PDGFD: variants seen among roughly 807,000 people sequenced by gnomAD.
PDGFD encodes the protein platelet derived growth factor D.
A neutral mutation model predicts 44.7 loss-of-function variants in PDGFD; 30 were observed. The ratio of observed to expected loss-of-function variants is 0.67; its 90% CI spans 0.50 to 0.91. The LOEUF is 0.91. PDGFD is among the 40% of genes least tolerant of loss of function. The pLI, the probability that PDGFD is intolerant of heterozygous loss-of-function variation, is 0.00. For synonymous variants in PDGFD, 173 were observed against 168.4 expected, an observed-to-expected ratio of 1.03 and a Z score of -0.21; for missense variants, 445 against 457.8, an observed-to-expected ratio of 0.97 and a Z score of 0.25.
intron 6 of PDGFD, among the ~76,000 whole-genome samples, chr11:103,923,074 G>A (rs1300066478): frequency 6.6e-6 from 1 of 152,064 alleles, no homozygotes; most frequent in Non-Finnish European, 1.5e-5. Context: ...TCCTTACCAA[G>A]GCCTCTGTGT....
chr11:104,093,396 G>T (rs55758065), intron 1 of PDGFD, among the ~76,000 whole-genome samples: 1 of 151,970 alleles, frequency 6.6e-6, no homozygotes, highest in East Asian at 1.9e-4. Flanking sequence ...CCCCAGCTAC[G>T]TGTTTTCAGA....
intron 1 of PDGFD, among the ~76,000 whole-genome samples, chr11:104,079,077 A>T (rs1240407813): frequency 6.6e-6 from 1 of 152,194 alleles, no homozygotes; most frequent in East Asian, 1.9e-4. Flanking sequence ...ATTTTTGTCA[A>T]TTCTGACAAT....
intron 1 of PDGFD, among the ~76,000 whole-genome samples, chr11:104,132,637 A>G (rs1293403094): frequency 6.6e-6 from 1 of 152,150 alleles, no homozygotes; most frequent in African/African-American, 2.4e-5. Context: ...GCTAGATACT[A>G]CAGATAATAT....
intron 5 of PDGFD, among the ~76,000 whole-genome samples, chr11:103,933,136 T>G (rs976223924): frequency 6.6e-6 from 1 of 152,164 alleles, no homozygotes; most frequent in Non-Finnish European, 1.5e-5. Flanking sequence ...TTATGAAAAG[T>G]GCTAAACATT....
intron 1 of PDGFD, among the ~76,000 whole-genome samples, chr11:104,040,095 C>T (rs1268181012): frequency 5.3e-5 from 8 of 152,080 alleles, no homozygotes; most frequent in African/African-American, 1.9e-4. Flanking sequence ...CTTCATTCTT[C>T]CTTCTGCCAA....
At chr11:104,040,951 C>G (rs894306428) in intron 1 of PDGFD, among the ~76,000 whole-genome samples, 2 of 151,864 alleles carry the variant, frequency 1.3e-5, no homozygotes, top group South Asian at 4.2e-4. Flanking sequence ...AAAACATGGA[C>G]TGACCAGATT....
chr11:104,102,008 T>C (rs950668425), intron 1 of PDGFD, among the ~76,000 whole-genome samples: 2 of 152,078 alleles, frequency 1.3e-5, no homozygotes, highest in Non-Finnish European at 2.9e-5. Flanking sequence ...ATTCAGGACA[T>C]AGGCATGGGC....
chr11:104,140,281 T>G lies in PDGFD; in HGVS notation c.124+23523A>C, dbSNP rs559005518. Among the ~76,000 whole-genome samples, 5 of 152,286 alleles carry G rather than the reference T, an allele frequency of 3.3e-5. 1 individual carries two copies. The South Asian group carries it at 1.0e-3, about 32-fold the overall frequency. ...ATAAAACAAAGAGCAAATATAACCATGTTGCTTTAATAAGGTCCTAATTAA... is the reference window on the plus strand; with the variant it reads ...ATAAAACAAAGAGCAAATATAACCAGGTTGCTTTAATAAGGTCCTAATTAA... On this transcript the variant is annotated intron_variant, in intron 1 of 6. Coordinates refer to ENST00000393158, the MANE Select transcript of PDGFD (RefSeq NM_025208.5).
chr11:104,135,912 A>G (rs1861997005), intron 1 of PDGFD, among the ~76,000 whole-genome samples: 1 of 148,282 alleles, frequency 6.7e-6, no homozygotes. Flanking sequence ...TATATTACAC[A>G]CCAGCTCCAA....
At chr11:103,921,231 C>CA (rs960275977) in intron 6 of PDGFD, among the ~76,000 whole-genome samples, 4 of 151,794 alleles carry the variant, frequency 2.6e-5, no homozygotes, top group African/African-American at 4.8e-5. Context: ...ATGAGGTTTC[C>CA]AAAAAAATAA....
chr11:104,114,091 T>C (rs984599165), intron 1 of PDGFD, among the ~76,000 whole-genome samples: 2 of 152,082 alleles, frequency 1.3e-5, no homozygotes, highest in Non-Finnish European at 2.9e-5. Context: ...TAGAAAATTT[T>C]TAATTTTAAT....
intron 4 of PDGFD, among the ~76,000 whole-genome samples, chr11:103,947,049 G>C (rs1858677577): frequency 6.6e-6 from 1 of 152,188 alleles, no homozygotes; most frequent in Non-Finnish European, 1.5e-5. Flanking sequence ...CCACACATAG[G>C]ATTGGTGAAA....
At chr11:104,099,832 C>T (rs1352765925) in intron 1 of PDGFD, among the ~76,000 whole-genome samples, 4 of 151,666 alleles carry the variant, frequency 2.6e-5, no homozygotes, top group Non-Finnish European at 5.9e-5. Context: ...AATATTTATC[C>T]AATTGCTAAC....
chr11:104,159,305 T>A (rs546688834), intron 1 of PDGFD, among the ~76,000 whole-genome samples: 5 of 152,268 alleles, frequency 3.3e-5, no homozygotes, highest in Admixed American at 1.3e-4. Context: ...GTCATCTTAA[T>A]CCTTTTAGAA....
chr11:104,103,663 T>C, intron 1 of PDGFD, among the ~76,000 whole-genome samples: 1 of 151,758 alleles, frequency 6.6e-6, no homozygotes, highest in Non-Finnish European at 1.5e-5. Flanking sequence ...AAATATCCTA[T>C]TGCCTAAAGA....
chr11:104,049,801 T>C (rs1225756335), intron 1 of PDGFD, among the ~76,000 whole-genome samples: 5 of 152,028 alleles, frequency 3.3e-5, no homozygotes, highest in Non-Finnish European at 5.9e-5. Flanking sequence ...GTCTGAGAAT[T>C]GATGGATTTG....
chr11:104,001,370 T>C (rs1211260533), intron 1 of PDGFD, among the ~76,000 whole-genome samples: 2 of 152,246 alleles, frequency 1.3e-5, no homozygotes, highest in Non-Finnish European at 2.9e-5. Flanking sequence ...TAGCTGGTCC[T>C]AATTTATATC....
intron 1 of PDGFD, among the ~76,000 whole-genome samples, chr11:104,033,049 G>GGTGTGTGTGTGT (rs34144830): frequency 6.8e-6 from 1 of 146,272 alleles, no homozygotes; most frequent in Admixed American, 6.9e-5. Context: ...TATGTTTAGG[G>GGTGTGTGTGTGT]GTGTGTGTGT....
At chr11:104,149,326 T>G (rs1252490554) in intron 1 of PDGFD, among the ~76,000 whole-genome samples, 2 of 152,142 alleles carry the variant, frequency 1.3e-5, no homozygotes, top group Non-Finnish European at 2.9e-5. Flanking sequence ...GTGGCGTAAT[T>G]CTGGTCACAA....
Sources: allele counts gnomAD v4.1 joint callset (sites outside exome capture counted in the v4.1 genomes callset), GRCh38; gene constraint gnomAD v4.1.1; transcripts MANE v1.5; gene names NCBI Gene and HGNC (gene_info 2026-07-23, HGNC 2026-07-21).